Variants in PHC2 observed in about 807,000 individuals in gnomAD.
PHC2 encodes polyhomeotic homolog 2.
In PHC2, 29 loss-of-function variants were observed where a neutral mutation model predicts 87.4. The ratio of observed to expected loss-of-function variants is 0.33; its 90% CI spans 0.25 to 0.45. The LOEUF (loss-of-function observed/expected upper bound fraction) is 0.45. PHC2 is among the 20% of genes least tolerant of loss of function. The pLI, the probability that PHC2 is intolerant of heterozygous loss-of-function variation, is 1.00. For missense variants in PHC2, 857 were observed against 1,136.7 expected, an observed-to-expected ratio of 0.75 and a Z score of 3.54; for synonymous variants, 438 against 461.7, an observed-to-expected ratio of 0.95 and a Z score of 0.66.
At chr1:33,410,071 T>C (rs1330855635) in intron 1 of PHC2, among the ~76,000 whole-genome samples, 1 of 152,232 alleles carries the variant, frequency 6.6e-6, no homozygotes, top group African/African-American at 2.4e-5. Flanking sequence ...GCTGAATTGC[T>C]TGTCACATGG....
chr1:33,346,032 C>T (rs539139250), intron 9 of PHC2: 1 of 985,272 alleles, frequency 1.0e-6, no homozygotes, highest in East Asian at 1.1e-4. Flanking sequence ...TTAAACCATG[C>T]CCTAAAAACA....
chr1:33,370,638 T>C (rs1414394536), intron 4 of PHC2, 53 bp from the exon 5 acceptor site: 8 of 1,520,788 alleles, frequency 5.3e-6, no homozygotes, highest in Admixed American at 1.9e-5. Context: ...TGGTGAGCTG[T>C]GTCCCCCTCA....
rs1484309099 is a variant in PHC2 at position 33,382,223 on chromosome 1, A to G, written c.-54-6630T>C. Among the ~76,000 whole-genome samples, 1 of 151,960 alleles carries G rather than the reference A, an allele frequency of 6.6e-6. No individual in the cohort carries two copies. Among genetic ancestry groups the G allele is most frequent in the African/African-American group, 2.4e-5 (1 of 41,360 alleles). ...CCAGAGCTTTCATATCTCCCCCTTC[A>G]CACCTTCCTTCCGCTCAAAGTTCTG... On this transcript the variant is annotated intron_variant, in intron 1 of 14. Coordinates refer to ENST00000683057, the MANE Select transcript of PHC2 (RefSeq NM_001385109.1). This position sits in a 1 kb window ranked among gnomAD's most constrained non-coding sequence, Gnocchi z 4.3.
At chr1:33,342,991 G>A (rs964708485) in intron 9 of PHC2, among the ~76,000 whole-genome samples, 1 of 152,186 alleles carries the variant, frequency 6.6e-6, no homozygotes, top group Non-Finnish European at 1.5e-5. Flanking sequence ...TTTAATCAAA[G>A]GTGTGTGGCT....
At position 33,364,818 on chromosome 1, in the gene PHC2, G is replaced by T. The variant is rs945007499; in HGVS notation, c.976+2298C>A. On this transcript the variant is annotated intron_variant, in intron 7 of 14. Coordinates refer to ENST00000683057, the MANE Select transcript of PHC2 (RefSeq NM_001385109.1). The surrounding 1 kb of genome is among the most constrained non-coding windows in gnomAD (Gnocchi z 4.1). ...GCAGCTCACAGCTGCTCCATAGAAA[G>T]TTCTGTGGAGCCACTGGTCTCTGTA... is the stretch of plus-strand genomic sequence containing the variant. 2.6e-5 allele frequency among the ~76,000 whole-genome samples: 4 copies of T among 152,216 alleles called. No individual in the cohort carries two copies. Among genetic ancestry groups the T allele is most frequent in the African/African-American group, 9.6e-5 (4 of 41,466 alleles).
intron 1 of PHC2, among the ~76,000 whole-genome samples, chr1:33,410,636 T>C (rs533384050): frequency 1.3e-5 from 2 of 152,302 alleles, no homozygotes; most frequent in East Asian, 1.9e-4. Flanking sequence ...GTTGAGGCAA[T>C]GGGCAGACTA....
chr1:33,383,088 T>C (rs921227756), intron 1 of PHC2, among the ~76,000 whole-genome samples: 1 of 152,172 alleles, frequency 6.6e-6, no homozygotes, highest in Non-Finnish European at 1.5e-5. Context: ...TGCTTCTCCT[T>C]TCTGGATGCC....
chr1:33,336,886 A>G (rs1646649267), intron 9 of PHC2: 1 of 151,746 alleles, frequency 6.6e-6, no homozygotes, highest in South Asian at 2.1e-4. Context: ...CGTAGAAAAA[A>G]CCCCTTTCCC....
At chr1:33,401,841 C>A (rs190295101) in intron 1 of PHC2, among the ~76,000 whole-genome samples, 23 of 152,194 alleles carry the variant, frequency 1.5e-4, no homozygotes, top group African/African-American at 5.3e-4. Context: ...CACCTCACAG[C>A]AAACCTCCCA....
At chr1:33,347,033 T>C (rs1646857649) in intron 9 of PHC2, 1 of 985,276 alleles carries the variant, frequency 1.0e-6, no homozygotes, top group Non-Finnish European at 1.2e-6. Flanking sequence ...ACATGCCCTC[T>C]CCCCCTGAAA....
In PHC2 at chr1:33,410,030, T is replaced by A. The variant is rs535741321; in HGVS notation, c.-55+20946A>T. The stretch of plus-strand genomic sequence containing the variant: ...TTGAATATTTAGTAGTTTTGTATAG[T>A]GCCGGTCAATAAGGCTTAATTGCCT... On this transcript the variant is annotated intron_variant, in intron 1 of 14. Coordinates refer to ENST00000683057, the MANE Select transcript of PHC2 (RefSeq NM_001385109.1). Among the ~76,000 whole-genome samples, 6 of 152,360 alleles carry A rather than the reference T, an allele frequency of 3.9e-5. No individual in the cohort carries two copies. The South Asian group carries it at 6.2e-4, about 16-fold the overall frequency.
chr1:33,390,299 T>A (rs565870494), intron 1 of PHC2, among the ~76,000 whole-genome samples: 1 of 152,368 alleles, frequency 6.6e-6, no homozygotes, highest in South Asian at 2.1e-4. Context: ...TATCCATTTA[T>A]GGACATTTTC....
At chr1:33,373,341 G>A (rs1391772161) in intron 2 of PHC2, among the ~76,000 whole-genome samples, 4 of 151,950 alleles carry the variant, frequency 2.6e-5, no homozygotes, top group South Asian at 2.1e-4. Flanking sequence ...GGCTGGTCTC[G>A]AACTCCTGAC....
chr1:33,336,225 G>GGTGAGCCTCCTGAACTCC (rs1434469642), intron 9 of PHC2, among the ~76,000 whole-genome samples: 1 of 151,966 alleles, frequency 6.6e-6, no homozygotes, highest in African/African-American at 2.4e-5. Context: ...CTGATCTCAG[G>GGTGAGCCTCCTGAACTCC]TGGTCCACCT....
chr1:33,348,904 G>A (rs367696070), intron 9 of PHC2: 20 of 209,558 alleles, frequency 9.5e-5, no homozygotes, highest in African/African-American at 4.2e-4. Flanking sequence ...TATCCGACAC[G>A]GGGCCCAGGG....
chr1:33,354,436 G>T lies in PHC2; in HGVS notation c.1523C>A (p.Pro508His). The T allele has an allele frequency of 6.2e-7, 1 of 1,613,988 alleles. No individual in the cohort carries two copies. Among genetic ancestry groups the T allele is most frequent in the Non-Finnish European group, 8.5e-7 (1 of 1,180,002 alleles). The change falls in exon 9 of 15, where the codon CCC becomes CAC. Residue 508 changes from proline to histidine, a missense_variant. Pro to His is a moderately conservative substitution (Grantham distance 77). This residue lies in a region of PHC2 where 832 missense variants were observed against 1,081.8 expected (regional missense o/e 0.77). Coordinates refer to ENST00000683057, the MANE Select transcript of PHC2 (RefSeq NM_001385109.1). ...GGACGGCTGGATGTTAGGGCTCGTG[G>T]GTACAGGCAGGCCACCAGGCATGGC... ...VTAMPGGLPV[P>H]TSPNIQPSPA...
At chr1:33,338,532 C>T (rs555940579) in intron 9 of PHC2, among the ~76,000 whole-genome samples, 4 of 152,284 alleles carry the variant, frequency 2.6e-5, no homozygotes, top group Non-Finnish European at 2.9e-5. Context: ...CCTGGAATGA[C>T]CGAACACAAT....
intron 1 of PHC2, among the ~76,000 whole-genome samples, chr1:33,415,947 A>G (rs145565362): frequency 2.0e-5 from 3 of 152,278 alleles, no homozygotes; most frequent in Non-Finnish European, 4.4e-5. Context: ...CAGAATTAGA[A>G]ATTACCCAAA....
chr1:33,378,755 A>T (rs569247534), intron 1 of PHC2, among the ~76,000 whole-genome samples: 1 of 152,292 alleles, frequency 6.6e-6, no homozygotes, highest in Non-Finnish European at 1.5e-5. Context: ...CAAAAGCATG[A>T]GCTAGAACAG....
Sources: gnomAD v4.1 joint callset for allele counts (sites outside exome capture counted in the v4.1 genomes callset) on GRCh38, gnomAD v4.1.1 for gene constraint, gnomAD v4.1.1 regional missense constraint, Gnocchi (gnomAD v3.1) non-coding constraint, MANE v1.5 for transcripts, NCBI Gene and HGNC (gene_info 2026-07-23, HGNC 2026-07-21) for gene names.